Variants in MAGI2 observed in about 807,000 individuals in gnomAD.
MAGI2 encodes the protein membrane associated guanylate kinase, WW and PDZ domain containing 2.
MAGI2 carries 35 observed loss-of-function variants against 133.3 expected under a neutral mutation model. The ratio of observed to expected loss-of-function variants is 0.26; its 90% CI spans 0.20 to 0.35. The LOEUF is 0.35. MAGI2 is among the 10% of genes least tolerant of loss of function. The probability of loss-of-function intolerance (pLI) is 1.00; values close to 1 mark genes in which losing one functional copy is unlikely to be tolerated. For missense variants in MAGI2, 1,636 were observed against 1,863.4 expected (o/e 0.88, Z 2.25); for synonymous variants, 729 against 710.6 (o/e 1.03, Z -0.41).
In MAGI2 at chr7:78,234,506, G is replaced by A. The variant is rs560627463; in HGVS notation, c.2047+21437C>T. Among the ~76,000 whole-genome samples the A allele has an allele frequency of 1.5e-3, 232 of 151,634 alleles. 2 individuals carry two copies. Among genetic ancestry groups the A allele is most frequent in the African/African-American group, 5.3e-3 (218 of 41,254 alleles). ...CTTTCATTAATGTGGTATAATAACT[G>A]CAATTATTTCCATTTGCACTTTTCG... On this transcript the variant is annotated intron_variant, in intron 10 of 21. Coordinates refer to ENST00000354212, the MANE Select transcript of MAGI2 (RefSeq NM_012301.4).
At chr7:78,655,153 TA>T (rs1453216353) in intron 2 of MAGI2, among the ~76,000 whole-genome samples, 3 of 151,658 alleles carry the variant, frequency 2.0e-5, no homozygotes, top group Non-Finnish European at 4.4e-5. Flanking sequence ...AAAGAAATTT[TA>T]AAAATGCCAT....
intron 9 of MAGI2, among the ~76,000 whole-genome samples, chr7:78,337,733 T>C (rs1789919913): frequency 6.6e-6 from 1 of 152,238 alleles, no homozygotes; most frequent in Non-Finnish European, 1.5e-5. Flanking sequence ...TACCATGTAC[T>C]TGTCTTTTAA....
chr7:78,337,801 T>C (rs886728701), intron 9 of MAGI2, among the ~76,000 whole-genome samples: 2 of 152,218 alleles, frequency 1.3e-5, no homozygotes, highest in Admixed American at 6.5e-5. Context: ...CGCTACATTG[T>C]CCAATTAGCA....
intron 16 of MAGI2, among the ~76,000 whole-genome samples, chr7:78,138,625 T>TCACACACACACACACA (rs202115434): frequency 2.3e-5 from 3 of 129,504 alleles, no homozygotes; most frequent in South Asian, 4.9e-4. Flanking sequence ...AAACATAGAT[T>TCACACACACACACACA]CACACACACA....
At chr7:78,968,152 T>C (rs1011611579) in intron 2 of MAGI2, among the ~76,000 whole-genome samples, 1 of 152,078 alleles carries the variant, frequency 6.6e-6, no homozygotes, top group African/African-American at 2.4e-5. Context: ...TTAACTACCA[T>C]AGCTTTGTAA....
chr7:79,281,424 T>C (rs188217161), intron 1 of MAGI2, among the ~76,000 whole-genome samples: 13 of 152,302 alleles, frequency 8.5e-5, no homozygotes, highest in Middle Eastern at 3.4e-3. Context: ...TGTACAACTT[T>C]ATGATGCTTT....
At chr7:78,786,319 C>T (rs1826817109) in intron 2 of MAGI2, among the ~76,000 whole-genome samples, 1 of 152,136 alleles carries the variant, frequency 6.6e-6, no homozygotes, top group South Asian at 2.1e-4. Flanking sequence ...ATAGCAGTAC[C>T]CTAACTGTTC....
chr7:79,437,536 G>A lies in MAGI2; in HGVS notation c.301+15484C>T, dbSNP rs566022558. ...ATAAAATAAGTGAATAATTTTATAT[G>A]TCAAAGGAAAGTAACTCATTACAAA... is the stretch of plus-strand genomic sequence containing the variant. On this transcript the variant is annotated intron_variant, in intron 1 of 21. Coordinates refer to ENST00000354212, the MANE Select transcript of MAGI2 (RefSeq NM_012301.4). Among the ~76,000 whole-genome samples, 212 of 152,102 alleles carry A rather than the reference G, an allele frequency of 1.4e-3. 1 individual carries two copies. The South Asian group carries it at 0.017, about 12-fold the overall frequency.
intron 2 of MAGI2, among the ~76,000 whole-genome samples, chr7:78,856,326 C>T (rs898686517): frequency 5.9e-5 from 9 of 152,174 alleles, no homozygotes; most frequent in African/African-American, 2.2e-4. Context: ...AGTCCTTGCA[C>T]ATGCCTATGT....
intron 2 of MAGI2, among the ~76,000 whole-genome samples, chr7:78,733,041 C>T (rs1245476776): frequency 2.0e-5 from 3 of 151,836 alleles, no homozygotes; most frequent in South Asian, 2.1e-4. Flanking sequence ...AAGGAAATGG[C>T]GCAACAGGAT....
chr7:78,412,602 T>A (rs1453673413), intron 6 of MAGI2, among the ~76,000 whole-genome samples: 1 of 152,004 alleles, frequency 6.6e-6, no homozygotes, highest in Non-Finnish European at 1.5e-5. Context: ...GGCAAAGAGT[T>A]GGATGGAACT....
intron 2 of MAGI2, among the ~76,000 whole-genome samples, chr7:78,936,202 TATA>T (rs544547942): frequency 7.2e-5 from 11 of 151,934 alleles, no homozygotes; most frequent in South Asian, 6.2e-4. Flanking sequence ...AAAATGAATT[TATA>T]ATAATAATGA....
chr7:78,748,669 T>A (rs1285193316), intron 2 of MAGI2, among the ~76,000 whole-genome samples: 1 of 149,306 alleles, frequency 6.7e-6, no homozygotes, highest in Non-Finnish European at 1.5e-5. Context: ...GCACAAATGC[T>A]TTGAAAGAAG....
At chr7:78,735,836 C>T (rs553941403) in intron 2 of MAGI2, among the ~76,000 whole-genome samples, 30 of 152,248 alleles carry the variant, frequency 2.0e-4, no homozygotes, top group African/African-American at 7.2e-4. Context: ...TTTTAAAACA[C>T]CATTTCACTT....
At chr7:78,561,470 CGA>C (rs539546062) in intron 3 of MAGI2, among the ~76,000 whole-genome samples, 175 of 152,128 alleles carry the variant, frequency 1.2e-3, no homozygotes, top group African/African-American at 4.0e-3. Context: ...CAGGTGACAG[CGA>C]GAGATAGATG....
chr7:79,452,204 C>G (rs141517687), intron 1 of MAGI2, among the ~76,000 whole-genome samples: 236 of 152,260 alleles, frequency 1.5e-3, no homozygotes, highest in African/African-American at 5.4e-3. Context: ...TGAGTAAAGT[C>G]CATGCGGACA....
intron 2 of MAGI2, among the ~76,000 whole-genome samples, chr7:78,779,406 G>A (rs760347797): frequency 6.6e-6 from 1 of 152,138 alleles, no homozygotes; most frequent in Non-Finnish European, 1.5e-5. Context: ...TTTCCTGAAG[G>A]CACCTGAGCA....
In MAGI2 at chr7:79,359,222, C is replaced by A. The variant is rs74789257; in HGVS notation, c.301+93798G>T. Among the ~76,000 whole-genome samples, 1,032 of 152,026 alleles carry A rather than the reference C, an allele frequency of 6.8e-3. 27 individuals carry two copies. Among genetic ancestry groups the A allele is most frequent in the East Asian group, 0.049 (253 of 5,160 alleles). On this transcript the variant is annotated intron_variant, in intron 1 of 21. Coordinates refer to ENST00000354212, the MANE Select transcript of MAGI2 (RefSeq NM_012301.4). ...GAAATATAAAAACTCCCTGGATGGA[C>A]TTAATAATAGAATGGACATAAAAGA... is the stretch of plus-strand genomic sequence containing the variant.
At chr7:78,475,854 C>T (rs974204959) in intron 6 of MAGI2, among the ~76,000 whole-genome samples, 1 of 151,702 alleles carries the variant, frequency 6.6e-6, no homozygotes, top group Non-Finnish European at 1.5e-5. Context: ...ACTCTAAATC[C>T]AGCCCATCTT....
Sources: allele counts gnomAD v4.1 joint callset (sites outside exome capture counted in the v4.1 genomes callset), GRCh38; gene constraint gnomAD v4.1.1; transcripts MANE v1.5; gene names NCBI Gene and HGNC (gene_info 2026-07-23, HGNC 2026-07-21).